The following PCLO variants were observed in gnomAD, a reference collection of about 807,000 sequenced individuals.
PCLO encodes the protein protein piccolo.
Under a neutral mutation model 427.5 loss-of-function variants are expected in PCLO, and 82 were observed. That is an observed-to-expected ratio of 0.19 (90% confidence interval 0.16 to 0.23). PCLO has a LOEUF of 0.23. Among genes scored for constraint, PCLO ranks in the 10% least tolerant of loss-of-function variants. The pLI is 1.00. For missense variants in PCLO, 6,239 were observed against 6,115.9 expected, an observed-to-expected ratio of 1.02 and a Z score of -0.67; for synonymous variants, 2,357 against 2,155.4, an observed-to-expected ratio of 1.09 and a Z score of -2.59.
At chr7:82,903,219 C>T (rs1324777861) in intron 8 of PCLO, among the ~76,000 whole-genome samples, 1 of 151,824 alleles carries the variant, frequency 6.6e-6, no homozygotes, top group Non-Finnish European at 1.5e-5. Flanking sequence ...ATTAGGATTA[C>T]TTTATGTTTG....
intron 3 of PCLO, among the ~76,000 whole-genome samples, chr7:83,043,581 G>A (rs1048423059): frequency 6.6e-6 from 1 of 152,178 alleles, no homozygotes; most frequent in Non-Finnish European, 1.5e-5. Context: ...ACATAAGTGT[G>A]GAAGTGGCAA....
At chr7:83,113,735 A>C (rs1791062432) in intron 3 of PCLO, among the ~76,000 whole-genome samples, 1 of 152,146 alleles carries the variant, frequency 6.6e-6, no homozygotes, top group African/African-American at 2.4e-5. Context: ...ATTTTGTAAA[A>C]ACACAATAAA....
At chr7:83,106,937 C>A (rs917040945) in intron 3 of PCLO, among the ~76,000 whole-genome samples, 2 of 147,274 alleles carry the variant, frequency 1.4e-5, no homozygotes, top group Non-Finnish European at 3.0e-5. Context: ...TCAATATGAT[C>A]TAATATATCA....
chr7:82,826,344 T>C (rs1346561516), intron 18 of PCLO, among the ~76,000 whole-genome samples: 1 of 152,240 alleles, frequency 6.6e-6, no homozygotes, highest in East Asian at 1.9e-4. Flanking sequence ...TGATTACATA[T>C]CTTCCTATTG....
chr7:82,805,553 G>T, intron 21 of PCLO, 135 bp downstream of exon 21: 1 of 725,240 alleles, frequency 1.4e-6, no homozygotes, highest in Non-Finnish European at 2.3e-6. Context: ...TTTTACATAG[G>T]CATTAACAGT....
chr7:82,837,369 T>C (rs990929977), intron 15 of PCLO, among the ~76,000 whole-genome samples: 13 of 152,004 alleles, frequency 8.6e-5, no homozygotes, highest in Non-Finnish European at 1.9e-4. Context: ...ACTCCACAAA[T>C]TAAAATGAAA....
chr7:83,160,019 A>C (rs888349856), intron 1 of PCLO, among the ~76,000 whole-genome samples: 1 of 152,146 alleles, frequency 6.6e-6, no homozygotes, highest in African/African-American at 2.4e-5. Flanking sequence ...AAAATAACCC[A>C]AAAACAATGT....
At chr7:82,922,024 T>C (rs756154789) in intron 6 of PCLO, among the ~76,000 whole-genome samples, 11 of 151,940 alleles carry the variant, frequency 7.2e-5, no homozygotes, top group Middle Eastern at 3.4e-3. Flanking sequence ...AAAACCACAA[T>C]GAGATACCAT....
intron 4 of PCLO, among the ~76,000 whole-genome samples, 157 bp from the exon 5 acceptor site, chr7:82,957,092 T>C (rs909802406): frequency 3.9e-5 from 6 of 152,172 alleles, no homozygotes; most frequent in African/African-American, 1.4e-4. Flanking sequence ...AGAAAAATAT[T>C]GTTGATATGC....
rs1018950772 is a variant in PCLO, at chr7:83,109,971, A to T, written c.3300+24279T>A. Among the ~76,000 whole-genome samples, 3 of 151,814 alleles carry T rather than the reference A, an allele frequency of 2.0e-5. No individual in the cohort carries two copies. In the East Asian group the frequency reaches 5.8e-4, roughly 29 times the overall value. ...GGTTAGCATTTTGATTCTGAAATGTACATTACATTGGGAGTTTAGCCACAT... is the reference window on the plus strand; with the variant it reads ...GGTTAGCATTTTGATTCTGAAATGTTCATTACATTGGGAGTTTAGCCACAT... On this transcript the variant is annotated intron_variant, in intron 3 of 24. Coordinates refer to ENST00000333891, the MANE Select transcript of PCLO (RefSeq NM_033026.6).
chr7:82,837,517 A>T (rs1210736516), intron 15 of PCLO, among the ~76,000 whole-genome samples: 1 of 152,046 alleles, frequency 6.6e-6, no homozygotes, highest in Admixed American at 6.6e-5. Context: ...AATAATTTGT[A>T]GGGTTCAAAT....
chr7:82,956,354 A>T lies in PCLO; in HGVS notation c.4599T>A (p.Val1533=). The T allele has an allele frequency of 6.2e-7, 1 of 1,613,246 alleles. No individual in the cohort carries two copies. The highest frequency in any genetic ancestry group is 8.5e-7 in the Non-Finnish European group (1 of 1,179,806). ...PVPQRKRRTS[V]GSSSSDEYKQ... ...TATACTCATCACTGCTTGATGAGCC[A>T]ACACTAGTTCTTCGTTTTCTTTGTG... The change falls in exon 5 of 25, where the codon GTT becomes GTA. Residue 1533 remains valine, a synonymous_variant. Transcript: ENST00000333891.
chr7:83,094,261 T>A (rs914089793), intron 3 of PCLO, among the ~76,000 whole-genome samples: 1 of 140,768 alleles, frequency 7.1e-6, no homozygotes, highest in African/African-American at 2.7e-5. Flanking sequence ...CAGGCTGGAG[T>A]GCAATAGTGC....
At chr7:83,023,564 A>G (rs1453507070) in intron 3 of PCLO, among the ~76,000 whole-genome samples, 1 of 152,184 alleles carries the variant, frequency 6.6e-6, no homozygotes, top group East Asian at 1.9e-4. Context: ...AATTCAAAAC[A>G]GTTGTAAGTA....
chr7:82,767,833 A>C (rs1790563354), intron 22 of PCLO, among the ~76,000 whole-genome samples: 1 of 152,168 alleles, frequency 6.6e-6, no homozygotes, highest in Non-Finnish European at 1.5e-5. Context: ...GAATATAGGA[A>C]TCATTCTTAA....
chr7:82,902,617 CAA>C (rs750224864), intron 9 of PCLO, 32 bp downstream of exon 9: 3 of 1,273,684 alleles, frequency 2.4e-6, no homozygotes, highest in African/African-American at 3.0e-5. Context: ...AACAAAAAAA[CAA>C]AAAAAATATT....
At position 83,156,222 on chromosome 7, in the gene PCLO, G is replaced by A; in HGVS notation, c.419C>T (p.Ser140Phe). The change falls in exon 2 of 25, where the codon TCC (serine) becomes TTC (phenylalanine). Residue 140 changes from serine (S) to phenylalanine (F), a missense_variant. Around this residue, in one of 5 missense-constraint regions of PCLO, gnomAD observed 4,677 missense variants for 4,468.4 expected, o/e 1.05. Transcript: ENST00000333891. The stretch of plus-strand genomic sequence containing the variant: ...GTGCTCTTCCTTTAAATCAGTTCTG[G>A]ACTTTGATTCTTTCAAGCTAATAGT... ...PSTISLKESK[S>F]RTDLKEEHKS... 1.2e-6 allele frequency: 2 copies of A among 1,613,734 alleles called. No homozygotes were observed. The highest frequency in any genetic ancestry group is 1.7e-6 in the Non-Finnish European group (2 of 1,179,812).
rs371929727 is a variant in PCLO at position 82,915,863 on chromosome 7, A to G, written c.12123T>C (p.His4041=). The G allele has an allele frequency of 1.2e-6, 2 of 1,613,534 alleles. No individual in the cohort carries two copies. Among genetic ancestry groups the G allele is most frequent in the Non-Finnish European group, 1.7e-6 (2 of 1,179,738 alleles). Residue 4041 remains histidine, a synonymous_variant, in exon 7 of 25, where the codon CAT becomes CAC. Transcript: ENST00000333891. ...ADSFYADIDH[H]TPRNYVLIDD... ...CAATTAGGACATAATTTCGTGGAGT[A>G]TGGTGATCAATATCTGCATAGAAAG...
At chr7:83,108,005 A>AAAAAAAAAAAAAAG (rs1562967732) in intron 3 of PCLO, among the ~76,000 whole-genome samples, 1 of 142,112 alleles carries the variant, frequency 7.0e-6, no homozygotes. Flanking sequence ...AAAAAAAAAA[A>AAAAAAAAAAAAAAG]AAAAAAAGGA....
Sources: gnomAD v4.1 joint callset for allele counts (sites outside exome capture counted in the v4.1 genomes callset) on GRCh38, gnomAD v4.1.1 for gene constraint, gnomAD v4.1.1 regional missense constraint, MANE v1.5 for transcripts, NCBI Gene and HGNC (gene_info 2026-07-23, HGNC 2026-07-21) for gene names.